GOLGA6B: variants seen among roughly 807,000 people sequenced by gnomAD.
The protein encoded by GOLGA6B is golgin subfamily A member 6B.
A neutral mutation model predicts 63.0 loss-of-function variants in GOLGA6B; 11 were observed. The ratio of observed to expected loss-of-function variants is 0.17; its 90% CI spans 0.11 to 0.29. The LOEUF (loss-of-function observed/expected upper bound fraction) is 0.29, where lower values mean the gene tolerates loss of function less well. GOLGA6B is among the 10% of genes least tolerant of loss of function. The pLI, the probability that GOLGA6B is intolerant of heterozygous loss-of-function variation, is 1.00. For missense variants in GOLGA6B, 134 were observed against 563.8 expected (o/e 0.24, Z 7.72); for synonymous variants, 46 against 232.6 (o/e 0.20, Z 7.30).
rs369624486 is a variant in GOLGA6B, at chr15:72,662,413, C to T, written c.1009C>T (p.Gln337Ter). Residue 337 changes from glutamine to a stop codon, truncating the protein, a stop_gained, in exon 11 of 18, where the codon CAG (glutamine) becomes TAG (stop). Transcript: ENST00000421285. LOFTEE classifies it high-confidence loss of function. Reference protein sequence around the residue: ...ALSLLSKEQKQRLQEQEEMLR... With the variant: ...ALSLLSKEQK ...GAGTCTCCTTAGCAAGGAACAAAAG[C>T]AGAGACTCCAGGAGCAGGAGGAGAT... 212 of 1,396,676 alleles carry T rather than the reference C, an allele frequency of 1.5e-4. 41 individuals are homozygous for T. The African/African-American group carries it at 2.8e-3, about 18-fold the overall frequency. The allele number at this position is 1,396,676 out of a possible 1,614,324, so 86.5% of individuals were successfully genotyped here.
At position 72,666,103 on chromosome 15, in the gene GOLGA6B, A is replaced by G. The variant is rs2064638076; in HGVS notation, c.1929A>G (p.Glu643=). Residue 643 remains glutamate, a synonymous_variant, in exon 17 of 18, where the codon GAA becomes GAG. Transcript: ENST00000421285. ...CTCCAGGGGCCCCAGCCCCCCAGGA[A>G]CTTGGGGCTGCCGGTGAGCAGGATG... ...EPTPGAPAPQ[E]LGAAGEQDDF... is the part of the protein sequence containing the mutation. The G allele has an allele frequency of 6.3e-7, 1 of 1,597,782 alleles. No individual in the cohort carries two copies. The highest frequency in any genetic ancestry group is 8.5e-7 in the Non-Finnish European group (1 of 1,174,788).
In GOLGA6B at chr15:72,669,171, G is replaced by A. The variant is rs1371460633; in HGVS notation, c.*2829G>A. 2.0e-5 allele frequency among the ~76,000 whole-genome samples: 3 copies of A among 152,040 alleles called. No individual in the cohort carries two copies. The highest frequency in any genetic ancestry group is 4.4e-5 in the Non-Finnish European group (3 of 67,972). ...TTTAAAGTATTTGTTTAACCTGATG[G>A]GTTTTCCAGAAATGAAAACAAGTCA... On this transcript the variant is annotated 3_prime_UTR_variant, in exon 18 of 18. Coordinates refer to ENST00000421285, the MANE Select transcript of GOLGA6B (RefSeq NM_018652.5).
In GOLGA6B at chr15:72,664,169, C is replaced by T. The variant is rs547345591; in HGVS notation, c.1426-267C>T. Among the ~76,000 whole-genome samples the T allele has an allele frequency of 2.5e-4, 33 of 130,624 alleles. 4 individuals carry two copies. Among genetic ancestry groups the T allele is most frequent in the African/African-American group, 5.8e-4 (22 of 38,092 alleles). The allele number at this position is 130,624 out of a possible 152,430, so 85.7% of individuals were successfully genotyped here. ...AGGGTCTCAGAGTCTGCAGCAGCAG[C>T]GAGACTAGTACCTGGGTCACCTGCA... On this transcript the variant is annotated intron_variant, in intron 12 of 17. Transcript: ENST00000421285.
chr15:72,663,851 G>C (rs894861985), intron 12 of GOLGA6B, among the ~76,000 whole-genome samples: 2 of 128,668 alleles, frequency 1.6e-5, no homozygotes, highest in African/African-American at 5.3e-5. Flanking sequence ...GAAAGCATTA[G>C]GCATGTAGCA....
Position 72,661,307 on chromosome 15 carries a change from A to T in GOLGA6B, c.608A>T (p.Gln203Leu), listed in dbSNP as rs1226114834. ...GCGGTCCTCCACCGGCGGTTACAGC[A>T]GACCATAAAGGAGCGGGCGCTGCTG... ...REAVLHRRLQQTIKERALLNA... is the reference protein window; with the variant it reads ...REAVLHRRLQLTIKERALLNA... The change falls in exon 8 of 18, where the codon CAG becomes CTG. Residue 203 changes from glutamine to leucine, a missense_variant. Gln to Leu is a moderately radical substitution (Grantham distance 113, BLOSUM62 -2). Coordinates refer to ENST00000421285, the MANE Select transcript of GOLGA6B (RefSeq NM_018652.5). The T allele has an allele frequency of 6.2e-7, 1 of 1,613,280 alleles. No individual in the cohort carries two copies. Among genetic ancestry groups the T allele is most frequent in the Non-Finnish European group, 8.5e-7 (1 of 1,179,976 alleles).
chr15:72,664,353 G>C, intron 12 of GOLGA6B, 83 bp from the exon 13 acceptor site: 1 of 1,266,816 alleles, frequency 7.9e-7, no homozygotes, highest in Non-Finnish European at 1.1e-6. Context: ...GAGACCCAGG[G>C]GAGGCAGTTG....
intron 12 of GOLGA6B, among the ~76,000 whole-genome samples, chr15:72,664,045 C>T (rs1210178754): frequency 2.3e-5 from 3 of 129,534 alleles, no homozygotes; most frequent in African/African-American, 5.3e-5. Context: ...CAGAGCCCCA[C>T]GGTGCCCTCG....
chr15:72,664,055 G>A (rs531999166), intron 12 of GOLGA6B, among the ~76,000 whole-genome samples: 8 of 129,642 alleles, frequency 6.2e-5, no homozygotes, highest in Admixed American at 5.3e-4. Flanking sequence ...CGGTGCCCTC[G>A]CTACCCTATT....
At chr15:72,666,172 A>C (rs1228642362) in intron 17 of GOLGA6B, 43 bp from the exon 18 acceptor site, 1 of 1,602,916 alleles carries the variant, frequency 6.2e-7, no homozygotes, top group African/African-American at 1.4e-5. Context: ...GGGGCAGGGG[A>C]GGCTCGCACT....
chr15:72,662,297 A>G lies in GOLGA6B; in HGVS notation c.893A>G (p.Glu298Gly), dbSNP rs201621826. 94,786 of 1,380,828 alleles carry G rather than the reference A, an allele frequency of 0.069. 22,345 individuals carry two copies. The highest frequency in any genetic ancestry group is 0.14 in the South Asian group (10,043 of 71,178). The allele number at this position is 1,380,828 out of a possible 1,614,324, so 85.5% of individuals were successfully genotyped here. The change falls in exon 11 of 18, where the codon GAA becomes GGA. Residue 298 changes from glutamate to glycine, a missense_variant. Transcript: ENST00000421285. ...LAPPAVTSVV[E>G]QLQDEAKHLR... ...CCCCCAGCAGTGACCTCTGTGGTGG[A>G]ACAGCTACAAGATGAGGCCAAACAC...
chr15:72,662,364 C>T lies in GOLGA6B; in HGVS notation c.960C>T (p.Ser320=), dbSNP rs766757206. 8.6e-6 allele frequency: 12 copies of T among 1,390,296 alleles called. 4 individuals are homozygous for T. The South Asian group carries it at 9.8e-5, about 11-fold the overall frequency. The allele number at this position is 1,390,296 out of a possible 1,614,324, so 86.1% of individuals were successfully genotyped here. A position where few individuals can be genotyped will look rare whatever the true frequency, so the allele number is the denominator to read the frequency against. The change falls in exon 11 of 18, where the codon TCC becomes TCT. Residue 320 remains serine (S), a synonymous_variant. Coordinates refer to ENST00000421285, the MANE Select transcript of GOLGA6B (RefSeq NM_018652.5). ...AAGGTCTGGAGGGAAAGCTCCAATC[C>T]CAGGTGGAAAACAATCAGGCCTTGA... The part of the protein sequence containing the change: ...EVEGLEGKLQ[S]QVENNQALSL...
At chr15:72,660,795 AC>A (rs2064592248) in intron 7 of GOLGA6B, among the ~76,000 whole-genome samples, 1 of 97,182 alleles carries the variant, frequency 1.0e-5, no homozygotes, top group Admixed American at 1.1e-4. Context: ...CTGTGTCCCC[AC>A]CCCCAGCAAG....
rs2140472616 is a variant in GOLGA6B, at chr15:72,669,088, A to T, written c.*2746A>T. ...TGTGGGTTCAACTGAATAAATTTGA[A>T]TTTCTGTAGGAAGTAAAGAATTAAA... is the stretch of plus-strand genomic sequence containing the variant. On this transcript the variant is annotated 3_prime_UTR_variant, in exon 18 of 18. Coordinates refer to ENST00000421285, the MANE Select transcript of GOLGA6B (RefSeq NM_018652.5). 6.6e-6 allele frequency among the ~76,000 whole-genome samples: 1 copy of T among 150,742 alleles called. No individual in the cohort carries two copies. Among genetic ancestry groups the T allele is most frequent in the Non-Finnish European group, 1.5e-5 (1 of 67,522 alleles).
chr15:72,664,523 C>T lies in GOLGA6B; in HGVS notation c.1501+12C>T. 1.5e-6 allele frequency: 2 copies of T among 1,345,312 alleles called. 1 individual carries two copies. 83.3% of individuals were successfully genotyped at this position (1,345,312 alleles called of 1,614,324 possible). On this transcript the variant is annotated intron_variant, in intron 13 of 17. Coordinates refer to ENST00000421285, the MANE Select transcript of GOLGA6B (RefSeq NM_018652.5). ...TCTCCCGGGAGAAGGTACAGGAGAC[C>T]ACTCAGAGGAAGAGGAGAGAGCCCC...
chr15:72,666,746 G>T lies in GOLGA6B; in HGVS notation c.*404G>T. 7.4e-6 allele frequency among the ~76,000 whole-genome samples: 1 copy of T among 135,730 alleles called. No homozygotes were observed. The highest frequency in any genetic ancestry group is 1.6e-5 in the Non-Finnish European group (1 of 64,062). The allele number at this position is 135,730 out of a possible 152,430, so 89.0% of individuals were successfully genotyped here. A position where few individuals can be genotyped will look rare whatever the true frequency, so the allele number is the denominator to read the frequency against. ...TGCACAAAACTATTCTGGCTGGTTT[G>T]GAACAGGCTGCCATGCTTTTTTAAT... is the stretch of plus-strand genomic sequence containing the variant. On this transcript the variant is annotated 3_prime_UTR_variant, in exon 18 of 18. Transcript: ENST00000421285.
intron 2 of GOLGA6B, among the ~76,000 whole-genome samples, chr15:72,657,981 G>A (rs1227744696): frequency 9.4e-5 from 2 of 21,232 alleles, no homozygotes; most frequent in Admixed American, 5.3e-4. Flanking sequence ...TTTTTTTTTT[G>A]AGACAGAGTC....
chr15:72,664,692 G>GC (rs2064624214), intron 13 of GOLGA6B, 181 bp downstream of exon 13: 1 of 582,932 alleles, frequency 1.7e-6, no homozygotes, highest in African/African-American at 2.1e-5. Flanking sequence ...CCACCAGGTT[G>GC]CCTAAGGATG....
In GOLGA6B at chr15:72,664,481, C is replaced by G. The variant is rs762683849; in HGVS notation, c.1471C>G (p.Gln491Glu). Residue 491 changes from glutamine to glutamate, a missense_variant, in exon 13 of 18, where the codon CAG (glutamine) becomes GAG (glutamate). Transcript: ENST00000421285. ...CCAGCAGAACCAACAGCTAGAGACCCAGCTAAGCCTCGTGGCTCTCCCGGG... is the reference window on the plus strand; with the variant it reads ...CCAGCAGAACCAACAGCTAGAGACCGAGCTAAGCCTCGTGGCTCTCCCGGG... ...ASQQNQQLET[Q>E]LSLVALPGEG... 7.4e-7 allele frequency: 1 copy of G among 1,355,428 alleles called. No individual in the cohort carries two copies. The highest frequency in any genetic ancestry group is 1.9e-5 in the Admixed American group (1 of 52,562). 84.0% of individuals were successfully genotyped at this position (1,355,428 alleles called of 1,614,324 possible). A position where few individuals can be genotyped will look rare whatever the true frequency, so the allele number is the denominator to read the frequency against.
At chr15:72,657,290 A>T (rs1407032918) in intron 2 of GOLGA6B, among the ~76,000 whole-genome samples, 1 of 108,160 alleles carries the variant, frequency 9.2e-6, no homozygotes, top group Non-Finnish European at 1.9e-5. Context: ...GCTCTACCAG[A>T]TTCATCGCCC....
Sources: allele counts gnomAD v4.1 joint callset (sites outside exome capture counted in the v4.1 genomes callset), GRCh38; gene constraint gnomAD v4.1.1; transcripts MANE v1.5; gene names NCBI Gene and HGNC (gene_info 2026-07-23, HGNC 2026-07-21).